The following CA12 variants were observed in gnomAD, a reference collection of about 807,000 sequenced individuals.
The protein encoded by CA12 is carbonate dehydratase XII.
CA12 carries 36 observed loss-of-function variants against 46.8 expected under a neutral mutation model. That is an observed-to-expected ratio of 0.77 (90% CI 0.59 to 1.02). The LOEUF is 1.02. Among genes scored for constraint, CA12 ranks in the 50% least tolerant of loss-of-function variants. CA12 has a pLI of 0.00. For synonymous variants in CA12, 202 were observed against 187.0 expected, an observed-to-expected ratio of 1.08 and a Z score of -0.65; for missense variants, 436 against 451.4, an observed-to-expected ratio of 0.97 and a Z score of 0.31.
intron 2 of CA12, among the ~76,000 whole-genome samples, chr15:63,352,647 G>A (rs1296961406): frequency 4.6e-5 from 7 of 152,080 alleles, no homozygotes; most frequent in Admixed American, 1.3e-4. Flanking sequence ...TCTTTGGGCC[G>A]GCTACCAACA....
At chr15:63,362,516 G>C (rs1041311727) in intron 2 of CA12, among the ~76,000 whole-genome samples, 8 of 152,226 alleles carry the variant, frequency 5.3e-5, no homozygotes, top group Non-Finnish European at 1.0e-4. Flanking sequence ...CAATGGTCCA[G>C]AGCTGGAGGG....
intron 2 of CA12, among the ~76,000 whole-genome samples, chr15:63,349,683 T>G (rs2039200968): frequency 6.6e-6 from 1 of 152,188 alleles, no homozygotes; most frequent in African/African-American, 2.4e-5. Flanking sequence ...AAGTAACAGT[T>G]ACTTTGCTTG....
rs1216632449 is a variant in CA12 at position 63,345,351 on chromosome 15, G to A, written c.429+126C>T. ...CTGCGCCCCTTGTGCCAGGGCCAGAGGTGGGGCAGAGAGCCTGAAGGCAGC... is the reference window on the plus strand; with the variant it reads ...CTGCGCCCCTTGTGCCAGGGCCAGAAGTGGGGCAGAGAGCCTGAAGGCAGC... On this transcript the variant is annotated intron_variant, in intron 4 of 10. Coordinates refer to ENST00000178638, the MANE Select transcript of CA12 (RefSeq NM_001218.5). This position sits in a 1 kb window ranked among gnomAD's most constrained non-coding sequence, Gnocchi z 4.3. The A allele has an allele frequency of 4.7e-5, 58 of 1,229,260 alleles. No individual in the cohort carries two copies. Among genetic ancestry groups the A allele is most frequent in the Admixed American group, 7.8e-5 (4 of 51,416 alleles). 76.1% of individuals were successfully genotyped at this position (1,229,260 alleles called of 1,614,324 possible).
In CA12 at chr15:63,355,851, C is replaced by A. The variant is rs1461872297; in HGVS notation, c.107-9142G>T. ...AGTGTTAAGTCCACAGCCCTGTAGC[C>A]ACCGCCCTCGCAAGACATCCTGCTC... On this transcript the variant is annotated intron_variant, in intron 2 of 10. Transcript: ENST00000178638. This position sits in a 1 kb window ranked among gnomAD's most constrained non-coding sequence, Gnocchi z 4.1. Among the ~76,000 whole-genome samples the A allele has an allele frequency of 6.6e-6, 1 of 152,136 alleles. No individual in the cohort carries two copies. The highest frequency in any genetic ancestry group is 2.4e-5 in the African/African-American group (1 of 41,426).
At position 63,321,388 on chromosome 15, in the gene CA12, A is replaced by G. The variant is rs1190972625; in HGVS notation, c.*4897T>C. 3 of 152,234 alleles carry G rather than the reference A, an allele frequency of 2.0e-5. No individual in the cohort carries two copies. Among genetic ancestry groups the G allele is most frequent in the Non-Finnish European group, 2.9e-5 (2 of 68,040 alleles). 9.4% of individuals were successfully genotyped at this position (152,234 alleles called of 1,614,324 possible). A position where few individuals can be genotyped will look rare whatever the true frequency, so the allele number is the denominator to read the frequency against. ...ATCATGATACGCTGACCTGGTTGCA[A>G]TCATTTTTATGGTGAATTATTCAAT... is the stretch of plus-strand genomic sequence containing the variant. On this transcript the variant is annotated 3_prime_UTR_variant, in exon 11 of 11. Coordinates refer to ENST00000178638, the MANE Select transcript of CA12 (RefSeq NM_001218.5). The surrounding 1 kb of genome is among the most constrained non-coding windows in gnomAD (Gnocchi z 4.5).
intron 2 of CA12, among the ~76,000 whole-genome samples, chr15:63,363,986 G>A (rs1026007876): frequency 1.1e-4 from 17 of 152,032 alleles, no homozygotes; most frequent in African/African-American, 1.9e-4. Context: ...TCGGGAGTTC[G>A]AGACCAGCCT....
At chr15:63,354,364 A>G (rs2039269128) in intron 2 of CA12, among the ~76,000 whole-genome samples, 1 of 152,216 alleles carries the variant, frequency 6.6e-6, no homozygotes, top group Non-Finnish European at 1.5e-5. Flanking sequence ...ATAAAAATAA[A>G]CACATTTTCT....
At chr15:63,344,303 C>T (rs900551705) in intron 4 of CA12, among the ~76,000 whole-genome samples, 1 of 152,228 alleles carries the variant, frequency 6.6e-6, no homozygotes, top group East Asian at 1.9e-4. Flanking sequence ...GCCCTTTCCC[C>T]TTTAAATATT....
intron 8 of CA12, among the ~76,000 whole-genome samples, chr15:63,335,781 C>G (rs1261549259): frequency 6.6e-6 from 1 of 152,128 alleles, no homozygotes; most frequent in Non-Finnish European, 1.5e-5. Context: ...CCAAACTGCT[C>G]AAGGTTCACA....
chr15:63,331,274 G>A lies in CA12; in HGVS notation c.875-3144C>T, dbSNP rs2038934674. 6.6e-6 allele frequency among the ~76,000 whole-genome samples: 1 copy of A among 152,238 alleles called. No individual in the cohort carries two copies. The highest frequency in any genetic ancestry group is 1.5e-5 in the Non-Finnish European group (1 of 68,034). On this transcript the variant is annotated intron_variant, in intron 8 of 10. Coordinates refer to ENST00000178638, the MANE Select transcript of CA12 (RefSeq NM_001218.5). This position sits in a 1 kb window ranked among gnomAD's most constrained non-coding sequence, Gnocchi z 5.3. ...AACCAGAGAACTAGAACCTGAGTGC[G>A]AAGCCAAAGCCTGTTTCCCAGCAGA... is the stretch of plus-strand genomic sequence containing the variant.
chr15:63,356,492 C>T (rs1022315307), intron 2 of CA12, among the ~76,000 whole-genome samples: 3 of 149,278 alleles, frequency 2.0e-5, no homozygotes, highest in Admixed American at 6.8e-5. Flanking sequence ...TGCCTTAAAA[C>T]GTTAAGATAG....
intron 2 of CA12, among the ~76,000 whole-genome samples, chr15:63,353,198 G>A (rs1369016374): frequency 1.3e-5 from 2 of 152,096 alleles, no homozygotes; most frequent in Non-Finnish European, 2.9e-5. Context: ...GGAATTAAAC[G>A]AGGGCTGCAA....
At chr15:63,368,392 G>A (rs1340818175) in intron 2 of CA12, among the ~76,000 whole-genome samples, 1 of 152,178 alleles carries the variant, frequency 6.6e-6, no homozygotes, top group Non-Finnish European at 1.5e-5. Flanking sequence ...GAGAGTAACA[G>A]GCCAGGAAGG....
intron 2 of CA12, among the ~76,000 whole-genome samples, chr15:63,370,816 C>T (rs189888107): frequency 1.3e-5 from 2 of 152,194 alleles, no homozygotes; most frequent in East Asian, 3.9e-4. Flanking sequence ...CATGTCTGGC[C>T]TTTTCCGGCT....
intron 2 of CA12, 132 bp downstream of exon 2, chr15:63,375,526 T>C: frequency 1.5e-6 from 1 of 664,804 alleles, no homozygotes. Context: ...GTACTCTCTT[T>C]CTACAATACA....
chr15:63,333,280 C>T (rs1308910689), intron 8 of CA12, among the ~76,000 whole-genome samples: 1 of 152,222 alleles, frequency 6.6e-6, no homozygotes, highest in African/African-American at 2.4e-5. Flanking sequence ...AAGGGTGGGT[C>T]CAGCCGTCTG....
At chr15:63,352,346 C>T (rs971930787) in intron 2 of CA12, among the ~76,000 whole-genome samples, 5 of 152,220 alleles carry the variant, frequency 3.3e-5, no homozygotes, top group Admixed American at 1.3e-4. Flanking sequence ...CGCGAGCCAC[C>T]GCACCCAGCC....
chr15:63,369,188 C>T lies in CA12; in HGVS notation c.106+6470G>A, dbSNP rs768231751. On this transcript the variant is annotated intron_variant, in intron 2 of 10. Coordinates refer to ENST00000178638, the MANE Select transcript of CA12 (RefSeq NM_001218.5). ...CCTTTCTTACTCAAAAAGGAAATAC[C>T]CTTTGTTTATTGAAAATATAAAAGG... is the stretch of plus-strand genomic sequence containing the variant. 2.5e-4 allele frequency among the ~76,000 whole-genome samples: 38 copies of T among 152,168 alleles called. 1 individual carries two copies. The highest frequency in any genetic ancestry group is 4.8e-5 in the African/African-American group (2 of 41,420).
Position 63,345,477 on chromosome 15 carries a change from C to T in CA12, c.429G>A (p.Glu143=). ...HTVSGQHFAA[E]LHIVHYNSDL... Reference sequence around the variant, plus strand: ...CTGCCAGACTGGCAGCCCTACTTACCTCGGCGGCGAAGTGCTGTCCGCTGA... The same window carrying T: ...CTGCCAGACTGGCAGCCCTACTTACTTCGGCGGCGAAGTGCTGTCCGCTGA... Residue 143 remains glutamate (E), a splice_region_variant and synonymous_variant, in exon 4 of 11, where the codon GAG becomes GAA. Transcript: ENST00000178638. This position sits in a 1 kb window ranked among gnomAD's most constrained non-coding sequence, Gnocchi z 4.3. The T allele has an allele frequency of 1.9e-6, 3 of 1,606,540 alleles. No individual in the cohort carries two copies. The highest frequency in any genetic ancestry group is 2.5e-6 in the Non-Finnish European group (3 of 1,179,950).
Sources: allele counts gnomAD v4.1 joint callset (sites outside exome capture counted in the v4.1 genomes callset), GRCh38; gene constraint gnomAD v4.1.1; non-coding constraint Gnocchi (gnomAD v3.1); transcripts MANE v1.5; gene names NCBI Gene and HGNC (gene_info 2026-07-23, HGNC 2026-07-21).